The following MTMR14 variants were observed in gnomAD, a reference collection of about 807,000 sequenced individuals.
The protein encoded by MTMR14 is myotubularin related protein 14.
A neutral mutation model predicts 86.3 loss-of-function variants in MTMR14; 48 were observed. The observed-to-expected ratio is 0.56, with a 90% confidence interval of 0.44 to 0.71. The LOEUF is 0.71. Among genes scored for constraint, MTMR14 ranks in the 30% least tolerant of loss-of-function variants. The pLI, the probability that MTMR14 is intolerant of heterozygous loss-of-function variation, is 0.00. For synonymous variants in MTMR14, 366 were observed against 326.1 expected, an observed-to-expected ratio of 1.12 and a Z score of -1.32; for missense variants, 780 against 834.6, an observed-to-expected ratio of 0.93 and a Z score of 0.81.
chr3:9,683,529 G>A (rs2075839713), intron 10 of MTMR14: 1 of 403,258 alleles, frequency 2.5e-6, no homozygotes, highest in Non-Finnish European at 4.6e-6. Flanking sequence ...AGCATTGTGT[G>A]TGGGGCCAGG....
chr3:9,700,480 G>A (rs1559625928), intron 18 of MTMR14: 1 of 152,192 alleles, frequency 6.6e-6, no homozygotes, highest in African/African-American at 2.4e-5. Context: ...CTCATGTGGA[G>A]TCATGCTTTG....
rs1471101568 is a variant in MTMR14 at position 9,682,496 on chromosome 3, C to A, written c.898-682C>A. Among the ~76,000 whole-genome samples, 3 of 152,280 alleles carry A rather than the reference C, an allele frequency of 2.0e-5. No homozygotes were observed. In the East Asian group the frequency reaches 5.8e-4, roughly 29 times the overall value. On this transcript the variant is annotated intron_variant, in intron 9 of 18. Coordinates refer to ENST00000296003, the MANE Select transcript of MTMR14 (RefSeq NM_001077525.3). ...CATGGAGTTCCAGGTTCTGAGTGGG[C>A]TGTTTCTTAGAGGGTCTGGACTAGA...
intron 1 of MTMR14, among the ~76,000 whole-genome samples, chr3:9,652,662 A>G (rs1405574467): frequency 1.3e-5 from 2 of 150,150 alleles, no homozygotes; most frequent in East Asian, 3.9e-4. Context: ...ACACCATTGC[A>G]CTCTAGCCTG....
At chr3:9,687,918 C>A (rs138323526) in intron 14 of MTMR14, 27 bp downstream of exon 14, 26 of 1,567,262 alleles carry the variant, frequency 1.7e-5, no homozygotes, top group Non-Finnish European at 2.1e-5. Flanking sequence ...ACGTGTCATG[C>A]TGGGCCAGGG....
chr3:9,655,737 A>G (rs184029933), intron 2 of MTMR14, among the ~76,000 whole-genome samples: 73 of 151,410 alleles, frequency 4.8e-4, no homozygotes, highest in Admixed American at 1.7e-3. Flanking sequence ...CTGGGATTAT[A>G]GGTGTGAGCC....
chr3:9,666,889 A>C (rs1453405344), intron 3 of MTMR14, among the ~76,000 whole-genome samples: 2 of 152,182 alleles, frequency 1.3e-5, no homozygotes, highest in Non-Finnish European at 2.9e-5. Context: ...ATGAGTCAGA[A>C]CCATGAGGCA....
At chr3:9,685,560 AC>A (rs1429607829) in intron 13 of MTMR14, among the ~76,000 whole-genome samples, 1 of 151,936 alleles carries the variant, frequency 6.6e-6, no homozygotes, top group Non-Finnish European at 1.5e-5. Context: ...CAGCTCTGGA[AC>A]CCCATCCTCT....
chr3:9,699,340 A>C (rs1288292436), intron 18 of MTMR14: 1 of 152,146 alleles, frequency 6.6e-6, no homozygotes, highest in African/African-American at 2.4e-5. Context: ...CACCCACCCT[A>C]GAACCTACAA....
chr3:9,683,431 C>T (rs1384069682), intron 10 of MTMR14, 187 bp downstream of exon 10: 6 of 614,274 alleles, frequency 9.8e-6, no homozygotes, highest in Non-Finnish European at 2.9e-6. Flanking sequence ...TATTCCATGT[C>T]CTCAAAATCC....
Position 9,701,540 on chromosome 3 carries a change from G to T in MTMR14, c.1770-250G>T, listed in dbSNP as rs1010840783. The T allele has an allele frequency of 7.2e-5, 40 of 555,132 alleles. No homozygotes were observed. Among genetic ancestry groups the T allele is most frequent in the South Asian group, 7.1e-4 (34 of 48,080 alleles). The allele number at this position is 555,132 out of a possible 1,614,324, so 34.4% of individuals were successfully genotyped here. A position where few individuals can be genotyped will look rare whatever the true frequency, so the allele number is the denominator to read the frequency against. ...TTGTCTCAAGAAAAAAAAAAAAAAG[G>T]TTAGTGTCCCAGTAAAAGCTCCTGC... is the stretch of plus-strand genomic sequence containing the variant. On this transcript the variant is annotated intron_variant, in intron 18 of 18. Coordinates refer to ENST00000296003, the MANE Select transcript of MTMR14 (RefSeq NM_001077525.3). This position sits in a 1 kb window ranked among gnomAD's most constrained non-coding sequence, Gnocchi z 4.2.
At chr3:9,662,450 T>C in intron 3 of MTMR14, 75 bp downstream of exon 3, 1 of 1,240,816 alleles carries the variant, frequency 8.1e-7, no homozygotes, top group Non-Finnish European at 1.2e-6. Flanking sequence ...GTATAGGGTC[T>C]TTTTTTCCCT....
chr3:9,682,729 G>A (rs754464184), intron 9 of MTMR14, among the ~76,000 whole-genome samples: 5 of 152,252 alleles, frequency 3.3e-5, no homozygotes, highest in Non-Finnish European at 7.3e-5. Context: ...TTTCTGTGAT[G>A]TGATGGCATA....
chr3:9,683,041 G>A (rs2075822488), intron 9 of MTMR14, 137 bp from the exon 10 acceptor site: 3 of 711,122 alleles, frequency 4.2e-6, no homozygotes, highest in South Asian at 1.8e-5. Flanking sequence ...AGATTATCTG[G>A]GATTCAAAAC....
At chr3:9,687,607 A>C (rs1374807523) in intron 13 of MTMR14, among the ~76,000 whole-genome samples, 1 of 150,948 alleles carries the variant, frequency 6.6e-6, no homozygotes, top group African/African-American at 2.4e-5. Flanking sequence ...CAGGAAGGAA[A>C]TCCCTTCCTG....
At chr3:9,679,158 T>C (rs546182083) in intron 9 of MTMR14, among the ~76,000 whole-genome samples, 9 of 152,372 alleles carry the variant, frequency 5.9e-5, no homozygotes, top group African/African-American at 1.7e-4. Flanking sequence ...ACAAGGTTTA[T>C]GCTCACAGCA....
intron 5 of MTMR14, among the ~76,000 whole-genome samples, chr3:9,670,392 A>G (rs974533773): frequency 2.0e-5 from 3 of 152,262 alleles, no homozygotes; most frequent in Non-Finnish European, 4.4e-5. Flanking sequence ...GCTGGGGACA[A>G]CAAAGCAGTG....
At chr3:9,650,239 G>A (rs975642766) in intron 1 of MTMR14, 14 of 447,622 alleles carry the variant, frequency 3.1e-5, no homozygotes, top group Admixed American at 2.1e-4. Context: ...CCCCTATAGA[G>A]CAGGAAGACA....
intron 9 of MTMR14, among the ~76,000 whole-genome samples, chr3:9,681,491 A>G (rs2075767144): frequency 1.3e-5 from 2 of 152,208 alleles, no homozygotes; most frequent in Admixed American, 1.3e-4. Context: ...AGTTTTTACC[A>G]GTGGTCACAG....
intron 1 of MTMR14, among the ~76,000 whole-genome samples, chr3:9,650,050 C>CT (rs2047187903): frequency 6.6e-6 from 1 of 152,068 alleles, no homozygotes; most frequent in Non-Finnish European, 1.5e-5. Flanking sequence ...TAAGGAAGGT[C>CT]TATTCCCTGC....
Sources: gnomAD v4.1 joint callset for allele counts (sites outside exome capture counted in the v4.1 genomes callset) on GRCh38, gnomAD v4.1.1 for gene constraint, Gnocchi (gnomAD v3.1) non-coding constraint, MANE v1.5 for transcripts, NCBI Gene and HGNC (gene_info 2026-07-23, HGNC 2026-07-21) for gene names.